The following ARHGEF33 variants were observed in gnomAD, a reference collection of about 807,000 sequenced individuals.
ARHGEF33 encodes Rho guanine nucleotide exchange factor 33, also known as DH and coiled-coil domain-containing protein ENSP00000381780.
ARHGEF33 carries 72 observed loss-of-function variants against 101.9 expected under a neutral mutation model. The observed-to-expected ratio is 0.71, with a 90% confidence interval of 0.58 to 0.86. The LOEUF (loss-of-function observed/expected upper bound fraction) is 0.86, where lower values mean the gene tolerates loss of function less well. Among genes scored for constraint, ARHGEF33 ranks in the 40% least tolerant of loss-of-function variants. The pLI, the probability that ARHGEF33 is intolerant of heterozygous loss-of-function variation, is 0.00. For missense variants in ARHGEF33, 1,169 were observed against 1,111.3 expected, an observed-to-expected ratio of 1.05 and a Z score of -0.74; for synonymous variants, 499 against 442.5, an observed-to-expected ratio of 1.13 and a Z score of -1.60.
At chr2:38,919,616 G>A in intron 3 of ARHGEF33, 144 bp downstream of exon 3, 1 of 906,360 alleles carries the variant, frequency 1.1e-6, no homozygotes, top group South Asian at 1.6e-5. Flanking sequence ...GAAGAATATA[G>A]ACTGGGTGCT....
At chr2:38,971,964 A>G (rs973791896) in intron 17 of ARHGEF33, 2 of 718,424 alleles carry the variant, frequency 2.8e-6, no homozygotes, top group Non-Finnish European at 5.2e-6. Context: ...AAACAGTTGC[A>G]TGTTGGAACC....
chr2:38,958,152 T>C lies in ARHGEF33; in HGVS notation c.1489T>C (p.Leu497=), dbSNP rs760289472. ...TGACACTGGGATCCACTCAGAAGAG[T>C]TGCTGCAACCCTACCCTTCTGCTCC... The part of the protein sequence containing the change: ...VRDTGIHSEE[L]LQPYPSAPSS... Residue 497 remains leucine, a synonymous_variant, in exon 15 of 18, where the codon TTG becomes CTG. Coordinates refer to ENST00000409978, the MANE Select transcript of ARHGEF33 (RefSeq NM_001145451.5). 9.7e-6 allele frequency: 15 copies of C among 1,551,488 alleles called. No homozygotes were observed. Among genetic ancestry groups the C allele is most frequent in the East Asian group, 2.4e-5 (1 of 40,908 alleles).
chr2:38,932,373 C>T (rs1169960523), intron 7 of ARHGEF33, among the ~76,000 whole-genome samples: 1 of 152,194 alleles, frequency 6.6e-6, no homozygotes, highest in Non-Finnish European at 1.5e-5. Flanking sequence ...GTGATCCACC[C>T]GCCTTGACCT....
chr2:38,959,599 G>C (rs964581335), intron 15 of ARHGEF33: 2 of 449,650 alleles, frequency 4.4e-6, no homozygotes, highest in African/African-American at 2.0e-5. Flanking sequence ...ACAGTCCCTG[G>C]CCCGCAGGCC....
intron 2 of ARHGEF33, among the ~76,000 whole-genome samples, chr2:38,903,546 A>G (rs1188937624): frequency 6.6e-6 from 1 of 152,190 alleles, no homozygotes; most frequent in Non-Finnish European, 1.5e-5. Context: ...CAAGCCCTCC[A>G]GGTGTTAAGA....
intron 4 of ARHGEF33, among the ~76,000 whole-genome samples, 189 bp downstream of exon 4, chr2:38,921,612 A>G (rs959417075): frequency 7.3e-5 from 11 of 151,508 alleles, no homozygotes; most frequent in African/African-American, 2.4e-4. Context: ...GAGAGAACTG[A>G]TTTTTTTTTG....
chr2:38,938,239 T>A (rs2124394653), intron 9 of ARHGEF33, among the ~76,000 whole-genome samples: 1 of 152,180 alleles, frequency 6.6e-6, no homozygotes, highest in South Asian at 2.1e-4. Context: ...GCTTCTATGT[T>A]TTTAAAAGAT....
rs1051993193 is a variant in ARHGEF33, at chr2:38,898,699, A to C, written c.-86+2850A>C. 2.0e-5 allele frequency among the ~76,000 whole-genome samples: 3 copies of C among 152,226 alleles called. No individual in the cohort carries two copies. In the South Asian group the frequency reaches 6.2e-4, roughly 31 times the overall value. On this transcript the variant is annotated intron_variant, in intron 2 of 17. Transcript: ENST00000409978. Reference sequence around the variant, plus strand: ...AAAAAAAGGAAAATATTAGTTTTACATCCTGCTTCTTGGCACTGGCTTCAT... The same window carrying C: ...AAAAAAAGGAAAATATTAGTTTTACCTCCTGCTTCTTGGCACTGGCTTCAT...
intron 10 of ARHGEF33, among the ~76,000 whole-genome samples, chr2:38,950,473 A>G (rs1386934924): frequency 3.3e-5 from 5 of 152,152 alleles, no homozygotes; most frequent in South Asian, 2.1e-4. Context: ...TTATTTTGAG[A>G]CAGAGTCTCG....
intron 2 of ARHGEF33, among the ~76,000 whole-genome samples, chr2:38,907,847 T>C (rs1666424908): frequency 6.6e-6 from 1 of 151,722 alleles, no homozygotes; most frequent in Non-Finnish European, 1.5e-5. Context: ...TCTTGCACAG[T>C]GTCTCTGGGA....
intron 14 of ARHGEF33, chr2:38,957,806 C>A (rs1558442758): frequency 1.1e-5 from 6 of 529,796 alleles, no homozygotes; most frequent in Non-Finnish European, 2.0e-5. Context: ...CTCTCCATAC[C>A]CCCAACCCCT....
At chr2:38,944,189 GTGC>G (rs1272003164) in intron 10 of ARHGEF33, among the ~76,000 whole-genome samples, 159 bp downstream of exon 10, 1 of 152,226 alleles carries the variant, frequency 6.6e-6, no homozygotes, top group Non-Finnish European at 1.5e-5. Flanking sequence ...AGTTCACTTT[GTGC>G]TGCTATGACA....
intron 2 of ARHGEF33, among the ~76,000 whole-genome samples, chr2:38,919,081 A>G (rs1666700032): frequency 1.3e-5 from 2 of 152,172 alleles, no homozygotes; most frequent in African/African-American, 4.8e-5. Flanking sequence ...TCTTTAAAAT[A>G]TAACTTGCTA....
At chr2:38,902,816 A>G (rs1239307733) in intron 2 of ARHGEF33, among the ~76,000 whole-genome samples, 1 of 152,180 alleles carries the variant, frequency 6.6e-6, no homozygotes, top group Non-Finnish European at 1.5e-5. Flanking sequence ...AATATATAAC[A>G]TTATCATTTG....
At chr2:38,956,800 C>A in intron 13 of ARHGEF33, 99 bp from the exon 14 acceptor site, 1 of 1,362,970 alleles carries the variant, frequency 7.3e-7, no homozygotes, top group Non-Finnish European at 1.0e-6. Flanking sequence ...GATTAAATGG[C>A]TATGAATCTC....
intron 9 of ARHGEF33, among the ~76,000 whole-genome samples, chr2:38,938,067 C>T (rs571730673): frequency 1.3e-5 from 2 of 151,990 alleles, no homozygotes; most frequent in East Asian, 3.9e-4. Flanking sequence ...TTTTTAAAGT[C>T]AAATACATGA....
chr2:38,915,454 G>A (rs891173175), intron 2 of ARHGEF33, among the ~76,000 whole-genome samples: 18 of 146,316 alleles, frequency 1.2e-4, no homozygotes, highest in Middle Eastern at 3.5e-3. Context: ...GCGTGATCTC[G>A]GCTCACTGCA....
chr2:38,956,470 G>T (rs556720667), intron 13 of ARHGEF33, among the ~76,000 whole-genome samples: 1 of 152,300 alleles, frequency 6.6e-6, no homozygotes, highest in South Asian at 2.1e-4. Flanking sequence ...AGCACAGCGG[G>T]GAATGTAACA....
intron 4 of ARHGEF33, among the ~76,000 whole-genome samples, chr2:38,924,818 C>T (rs1008448453): frequency 2.6e-5 from 4 of 152,022 alleles, no homozygotes; most frequent in African/African-American, 9.7e-5. Flanking sequence ...TCATCTTTGA[C>T]CCACAGGCAT....
Sources: gnomAD v4.1 joint callset for allele counts (sites outside exome capture counted in the v4.1 genomes callset) on GRCh38, gnomAD v4.1.1 for gene constraint, MANE v1.5 for transcripts, NCBI Gene and HGNC (gene_info 2026-07-23, HGNC 2026-07-21) for gene names.